CCDC192: variants seen among roughly 807,000 people sequenced by gnomAD.
CCDC192 encodes the protein coiled-coil domain containing 192.
intron 5 of CCDC192, among the ~76,000 whole-genome samples, chr5:127,825,218 C>A (rs1749472389): frequency 6.6e-6 from 1 of 152,196 alleles, no homozygotes; most frequent in Non-Finnish European, 1.5e-5. Context: ...AGCACATCAT[C>A]CACAATGGCA....
At chr5:127,829,349 T>C (rs1323968108) in intron 5 of CCDC192, among the ~76,000 whole-genome samples, 6 of 147,780 alleles carry the variant, frequency 4.1e-5, no homozygotes, top group Non-Finnish European at 1.5e-5. Context: ...TTAGATCCTC[T>C]TTTATATGTT....
At position 127,747,038 on chromosome 5, in the gene CCDC192, A is replaced by G. The variant is rs974143422; in HGVS notation, c.115-7230A>G. Reference sequence around the variant, plus strand: ...GGGAAAAAAATAAAGCAGAAGTTAGACCTTTAAGGTATGTAGGAATGCAGT... The same window carrying G: ...GGGAAAAAAATAAAGCAGAAGTTAGGCCTTTAAGGTATGTAGGAATGCAGT... On this transcript the variant is annotated intron_variant, in intron 2 of 6. Coordinates refer to ENST00000514853, the MANE Select transcript of CCDC192 (RefSeq NM_001317938.2). Among the ~76,000 whole-genome samples, 9 of 151,254 alleles carry G rather than the reference A, an allele frequency of 6.0e-5. 1 individual carries two copies. The highest frequency in any genetic ancestry group is 2.1e-4 in the South Asian group (1 of 4,742).
At chr5:127,928,617 C>A (rs945922976) in intron 6 of CCDC192, among the ~76,000 whole-genome samples, 3 of 152,168 alleles carry the variant, frequency 2.0e-5, no homozygotes, top group Non-Finnish European at 4.4e-5. Flanking sequence ...TTATTCTGGA[C>A]ATCTTTGTGG....
chr5:127,752,692 G>A (rs1018667664), intron 2 of CCDC192, among the ~76,000 whole-genome samples: 1 of 152,244 alleles, frequency 6.6e-6, no homozygotes, highest in African/African-American at 2.4e-5. Context: ...CTGGGCAATG[G>A]CGGGCGCCCC....
intron 5 of CCDC192, among the ~76,000 whole-genome samples, chr5:127,816,072 T>TTAG (rs1561504638): frequency 6.6e-6 from 1 of 152,122 alleles, no homozygotes; most frequent in Non-Finnish European, 1.5e-5. Flanking sequence ...GAAGTTGAGA[T>TTAG]ACATTAATAT....
intron 6 of CCDC192, among the ~76,000 whole-genome samples, chr5:127,910,635 C>T (rs1478715424): frequency 6.6e-6 from 1 of 152,138 alleles, no homozygotes; most frequent in Non-Finnish European, 1.5e-5. Context: ...CCCAAAAAGT[C>T]CCATTGTTTC....
intron 5 of CCDC192, among the ~76,000 whole-genome samples, chr5:127,860,778 C>G (rs1751324995): frequency 6.6e-6 from 1 of 152,168 alleles, no homozygotes; most frequent in African/African-American, 2.4e-5. Flanking sequence ...TTTCAGATAA[C>G]ACATCAAGAT....
At chr5:127,757,176 T>C (rs1166409042) in intron 3 of CCDC192, among the ~76,000 whole-genome samples, 1 of 152,172 alleles carries the variant, frequency 6.6e-6, no homozygotes, top group Non-Finnish European at 1.5e-5. Flanking sequence ...ACATGGAGAA[T>C]GAAAATAGGT....
intron 5 of CCDC192, among the ~76,000 whole-genome samples, chr5:127,840,715 A>C (rs892829403): frequency 1.1e-4 from 16 of 152,358 alleles, no homozygotes; most frequent in Middle Eastern, 3.4e-3. Flanking sequence ...AATGTAAAAT[A>C]TTCATCATTA....
At chr5:127,708,090 T>G (rs1019530055) in intron 2 of CCDC192, among the ~76,000 whole-genome samples, 1 of 152,174 alleles carries the variant, frequency 6.6e-6, no homozygotes, top group Non-Finnish European at 1.5e-5. Context: ...ATTTTTGAAG[T>G]GTCAGCTTGT....
chr5:127,889,188 C>T (rs548358042), intron 6 of CCDC192, among the ~76,000 whole-genome samples: 73 of 152,104 alleles, frequency 4.8e-4, no homozygotes, highest in Non-Finnish European at 4.0e-4. Flanking sequence ...TGCTGCTGAA[C>T]GCTTTTACTT....
chr5:127,751,701 G>A (rs1754183942), intron 2 of CCDC192, among the ~76,000 whole-genome samples: 1 of 152,112 alleles, frequency 6.6e-6, no homozygotes, highest in East Asian at 1.9e-4. Flanking sequence ...ATAATATCCT[G>A]CAGAGTGTTT....
At chr5:127,923,907 C>A (rs923974115) in intron 6 of CCDC192, among the ~76,000 whole-genome samples, 4 of 152,186 alleles carry the variant, frequency 2.6e-5, no homozygotes, top group African/African-American at 9.7e-5. Flanking sequence ...AAAGGAGAAA[C>A]AAAAGAATCC....
At chr5:127,920,034 A>T (rs1753663904) in intron 6 of CCDC192, among the ~76,000 whole-genome samples, 1 of 152,252 alleles carries the variant, frequency 6.6e-6, no homozygotes, top group South Asian at 2.1e-4. Context: ...ATACATGCAG[A>T]GCTACACACA....
intron 5 of CCDC192, among the ~76,000 whole-genome samples, chr5:127,811,245 C>T (rs146154825): frequency 5.1e-4 from 77 of 152,306 alleles, no homozygotes; most frequent in African/African-American, 1.8e-3. Flanking sequence ...TCTCCATTCC[C>T]TCCCTTGTTG....
intron 5 of CCDC192, among the ~76,000 whole-genome samples, chr5:127,854,364 G>A (rs1434118753): frequency 1.3e-5 from 2 of 152,042 alleles, no homozygotes; most frequent in East Asian, 1.9e-4. Context: ...CTGCAGTTTC[G>A]GTTACCCACA....
chr5:127,778,966 C>T (rs1279451219), intron 3 of CCDC192, among the ~76,000 whole-genome samples: 1 of 151,838 alleles, frequency 6.6e-6, no homozygotes, highest in Admixed American at 6.6e-5. Context: ...GTATTGTTTC[C>T]ACTTTCATTT....
intron 1 of CCDC192, 144 bp downstream of exon 1, chr5:127,703,651 A>G: frequency 2.6e-6 from 1 of 382,322 alleles, no homozygotes; most frequent in East Asian, 3.7e-5. Context: ...CTGGAGAGTG[A>G]CCCCTTTCTT....
At chr5:127,847,665 A>G (rs1382895171) in intron 5 of CCDC192, among the ~76,000 whole-genome samples, 1 of 151,920 alleles carries the variant, frequency 6.6e-6, no homozygotes, top group African/African-American at 2.4e-5. Context: ...TCTACTAAAA[A>G]TACAAAAATT....
Sources: allele counts gnomAD v4.1 joint callset (sites outside exome capture counted in the v4.1 genomes callset), GRCh38; gene constraint gnomAD v4.1.1; transcripts MANE v1.5; gene names NCBI Gene and HGNC (gene_info 2026-07-23, HGNC 2026-07-21).